RUNX2: variants seen among roughly 807,000 people sequenced by gnomAD.
The protein encoded by RUNX2 is runt-related transcription factor 2.
Under a neutral mutation model 51.7 loss-of-function variants are expected in RUNX2, and 10 were observed. The ratio of observed to expected loss-of-function variants is 0.19; its 90% CI spans 0.12 to 0.33. The LOEUF is 0.33. RUNX2 is among the 10% of genes least tolerant of loss of function. RUNX2 has a pLI of 1.00. For missense variants in RUNX2, 562 were observed against 691.3 expected, an observed-to-expected ratio of 0.81 and a Z score of 2.10; for synonymous variants, 276 against 273.6, an observed-to-expected ratio of 1.01 and a Z score of -0.09.
chr6:45,373,553 G>A (rs946547452), intron 2 of RUNX2, among the ~76,000 whole-genome samples: 2 of 152,022 alleles, frequency 1.3e-5, no homozygotes, highest in African/African-American at 4.8e-5. Context: ...ATTTGTGTGT[G>A]TGTGTGTGTG....
intron 5 of RUNX2, among the ~76,000 whole-genome samples, chr6:45,477,557 C>T (rs1425855514): frequency 6.6e-6 from 1 of 152,164 alleles, no homozygotes; most frequent in Non-Finnish European, 1.5e-5. Flanking sequence ...GGTGACCAAA[C>T]CAGAAACCTG....
intron 5 of RUNX2, among the ~76,000 whole-genome samples, chr6:45,456,651 C>T (rs1799328171): frequency 6.6e-6 from 1 of 152,160 alleles, no homozygotes; most frequent in Non-Finnish European, 1.5e-5. Context: ...CTTCAGACTT[C>T]CTCAAGGCTC....
intron 2 of RUNX2, among the ~76,000 whole-genome samples, chr6:45,387,067 G>C (rs1278875737): frequency 6.6e-6 from 1 of 152,168 alleles, no homozygotes; most frequent in Non-Finnish European, 1.5e-5. Context: ...AAGATGGCAG[G>C]AGAAATGCTA....
intron 5 of RUNX2, among the ~76,000 whole-genome samples, chr6:45,454,324 A>C (rs1799260327): frequency 6.6e-6 from 1 of 152,192 alleles, no homozygotes; most frequent in Admixed American, 6.5e-5. Context: ...AATATAAATA[A>C]ATAAAAATTT....
intron 2 of RUNX2, among the ~76,000 whole-genome samples, chr6:45,372,915 T>C (rs1215063161): frequency 6.6e-6 from 1 of 152,100 alleles, no homozygotes; most frequent in East Asian, 1.9e-4. Context: ...CCTCCAGGGT[T>C]CAAGCGATTC....
At chr6:45,346,348 T>C (rs1203294830) in intron 2 of RUNX2, among the ~76,000 whole-genome samples, 3 of 152,024 alleles carry the variant, frequency 2.0e-5, no homozygotes, top group Non-Finnish European at 4.4e-5. Flanking sequence ...GTCTACAGGG[T>C]TGAAACGAAG....
chr6:45,336,378 T>C (rs959115799), intron 2 of RUNX2, among the ~76,000 whole-genome samples: 22 of 151,422 alleles, frequency 1.5e-4, no homozygotes, highest in Middle Eastern at 3.4e-3. Context: ...AGAAAACACA[T>C]AAAGTGATCT....
At chr6:45,372,677 G>A (rs1383556258) in intron 2 of RUNX2, among the ~76,000 whole-genome samples, 3 of 151,930 alleles carry the variant, frequency 2.0e-5, no homozygotes, top group Non-Finnish European at 4.4e-5. Context: ...TTTTCTTTTT[G>A]AGACAGGGTC....
intron 5 of RUNX2, among the ~76,000 whole-genome samples, chr6:45,467,702 CT>C (rs1799674700): frequency 6.6e-6 from 1 of 152,080 alleles, no homozygotes; most frequent in African/African-American, 2.4e-5. Context: ...TGTTTCCTTG[CT>C]TGCTCATCAA....
intron 5 of RUNX2, among the ~76,000 whole-genome samples, chr6:45,463,200 C>T (rs1799523506): frequency 6.6e-6 from 1 of 152,288 alleles, no homozygotes; most frequent in African/African-American, 2.4e-5. Context: ...AAATAAAATA[C>T]ATGCTGATAC....
At chr6:45,462,665 C>T (rs1435218070) in intron 5 of RUNX2, among the ~76,000 whole-genome samples, 3 of 152,196 alleles carry the variant, frequency 2.0e-5, no homozygotes, top group East Asian at 1.9e-4. Context: ...GTTAAAATGA[C>T]GGACTTGGGT....
chr6:45,379,834 C>T (rs1016457878), intron 2 of RUNX2, among the ~76,000 whole-genome samples: 3 of 152,054 alleles, frequency 2.0e-5, no homozygotes, highest in Non-Finnish European at 4.4e-5. Flanking sequence ...CCGCTGCTCT[C>T]CAGCCTGGCA....
intron 2 of RUNX2, among the ~76,000 whole-genome samples, chr6:45,378,354 T>C (rs896565552): frequency 1.3e-5 from 2 of 152,234 alleles, no homozygotes; most frequent in Non-Finnish European, 2.9e-5. Flanking sequence ...TTCACCGTTC[T>C]AAGCTTCTTT....
intron 6 of RUNX2, among the ~76,000 whole-genome samples, chr6:45,503,209 GTCTC>G (rs1800850866): frequency 6.6e-6 from 1 of 152,136 alleles, no homozygotes; most frequent in South Asian, 2.1e-4. Context: ...ATTAATGCCT[GTCTC>G]TCCTACCCAA....
chr6:45,379,860 G>A (rs1184672260), intron 2 of RUNX2, among the ~76,000 whole-genome samples: 10 of 151,316 alleles, frequency 6.6e-5, no homozygotes, highest in African/African-American at 2.4e-4. Context: ...ACTAGACTCC[G>A]TCAAAAAAAG....
At chr6:45,502,099 A>G (rs1393903435) in intron 6 of RUNX2, among the ~76,000 whole-genome samples, 2 of 152,176 alleles carry the variant, frequency 1.3e-5, no homozygotes, top group Non-Finnish European at 2.9e-5. Context: ...ATCTAAGGAA[A>G]AACTTTTTAG....
At chr6:45,475,299 G>A (rs183524252) in intron 5 of RUNX2, among the ~76,000 whole-genome samples, 1 of 152,034 alleles carries the variant, frequency 6.6e-6, no homozygotes, top group South Asian at 2.1e-4. Context: ...TGGAGGGGAG[G>A]TTTTATTGAA....
intron 7 of RUNX2, among the ~76,000 whole-genome samples, chr6:45,534,750 A>G (rs190803364): frequency 6.6e-6 from 1 of 152,348 alleles, no homozygotes; most frequent in East Asian, 1.9e-4. Context: ...ATTTCAGTGA[A>G]AGACAAGGAT....
chr6:45,455,300 C>A (rs1263607846), intron 5 of RUNX2, among the ~76,000 whole-genome samples: 1 of 152,096 alleles, frequency 6.6e-6, no homozygotes, highest in African/African-American at 2.4e-5. Flanking sequence ...CAGGGAAATT[C>A]TTCTTTTTTA....
Sources: gnomAD v4.1 joint callset for allele counts (sites outside exome capture counted in the v4.1 genomes callset) on GRCh38, gnomAD v4.1.1 for gene constraint, MANE v1.5 for transcripts, NCBI Gene and HGNC (gene_info 2026-07-23, HGNC 2026-07-21) for gene names.